Variants in PDE11A observed in about 807,000 individuals in gnomAD.
PDE11A encodes the protein dual 3',5'-cyclic-AMP and -GMP phosphodiesterase 11A.
In PDE11A, 100 loss-of-function variants were observed where a neutral mutation model predicts 100.5. That is an observed-to-expected ratio of 1.00 (90% CI 0.85 to 1.18). The LOEUF (loss-of-function observed/expected upper bound fraction) is 1.18. PDE11A is among the 50% of genes most tolerant of loss of function. The pLI is 0.00. For missense variants in PDE11A, 1,141 were observed against 1,152.6 expected (o/e 0.99, Z 0.15); for synonymous variants, 381 against 420.8 (o/e 0.91, Z 1.16).
chr2:177,656,229 T>A (rs2080381284), intron 19 of PDE11A, among the ~76,000 whole-genome samples: 1 of 152,236 alleles, frequency 6.6e-6, no homozygotes, highest in Admixed American at 6.5e-5. Flanking sequence ...CATAAGATTA[T>A]AATATCATAT....
chr2:177,787,728 G>A (rs1001369271), intron 9 of PDE11A, among the ~76,000 whole-genome samples: 2 of 150,726 alleles, frequency 1.3e-5, no homozygotes, highest in Non-Finnish European at 3.0e-5. Flanking sequence ...AATAGGCAGG[G>A]GTTGCAATCC....
intron 19 of PDE11A, among the ~76,000 whole-genome samples, chr2:177,633,705 C>T (rs919100390): frequency 5.3e-5 from 8 of 152,136 alleles, no homozygotes; most frequent in African/African-American, 1.9e-4. Flanking sequence ...TTTATTTAGA[C>T]AATAGTGTGA....
intron 5 of PDE11A, among the ~76,000 whole-genome samples, chr2:177,873,968 G>T (rs1326071488): frequency 6.6e-6 from 1 of 152,110 alleles, no homozygotes; most frequent in African/African-American, 2.4e-5. Context: ...CTTCACTTCT[G>T]CAGTACTGAA....
chr2:178,089,056 G>GT (rs1559068281), intron 2 of PDE11A, among the ~76,000 whole-genome samples: 1 of 152,154 alleles, frequency 6.6e-6, no homozygotes, highest in East Asian at 1.9e-4. Context: ...TATGGTGCCC[G>GT]TATCAGTTAG....
intron 1 of PDE11A, among the ~76,000 whole-genome samples, chr2:178,050,691 C>G (rs930830472): frequency 6.6e-6 from 1 of 152,038 alleles, no homozygotes; most frequent in African/African-American, 2.4e-5. Context: ...AACCATGGCA[C>G]GAGAACTACG....
intron 1 of PDE11A, among the ~76,000 whole-genome samples, chr2:178,050,559 TGAGCTAAAG>T (rs1261055020): frequency 6.6e-6 from 1 of 152,068 alleles, no homozygotes; most frequent in Non-Finnish European, 1.5e-5. Flanking sequence ...CAAACTTCTC[TGAGCTAAAG>T]GAGGGTGTTC....
chr2:177,726,768 G>T (rs1444814103), intron 12 of PDE11A, among the ~76,000 whole-genome samples: 1 of 151,440 alleles, frequency 6.6e-6, no homozygotes, highest in Non-Finnish European at 1.5e-5. Flanking sequence ...TTTAGTCTGG[G>T]TGCAAAAATA....
rs372434163 is a variant in PDE11A, at chr2:177,696,564, G to T, written c.2345+768C>A. On this transcript the variant is annotated intron_variant, in intron 15 of 19. Transcript: ENST00000286063. ...CCTCTGAGTGTACAATTTTGATAGA[G>T]TGCGGAGATGGACTCTGCTCTTCAC... Among the ~76,000 whole-genome samples the T allele has an allele frequency of 2.6e-5, 4 of 152,184 alleles. No homozygotes were observed. The East Asian group carries it at 7.7e-4, about 29-fold the overall frequency.
chr2:177,689,160 G>A (rs112846486), intron 15 of PDE11A, among the ~76,000 whole-genome samples: 19 of 152,144 alleles, frequency 1.2e-4, no homozygotes, highest in South Asian at 4.2e-4. Context: ...TCGGCTCACC[G>A]CAACCTCCTC....
intron 15 of PDE11A, among the ~76,000 whole-genome samples, chr2:177,695,702 AATAAGG>A (rs1574052989): frequency 6.6e-6 from 1 of 152,158 alleles, no homozygotes; most frequent in East Asian, 1.9e-4. Context: ...CTAAAGGTAG[AATAAGG>A]GGAGTGACCT....
intron 13 of PDE11A, among the ~76,000 whole-genome samples, chr2:177,707,586 T>C (rs1204486833): frequency 1.3e-5 from 2 of 152,146 alleles, no homozygotes; most frequent in Non-Finnish European, 2.9e-5. Context: ...GTTTTTTTCA[T>C]CCGCTTGGTA....
chr2:177,845,431 T>G (rs1448831265), intron 5 of PDE11A, among the ~76,000 whole-genome samples: 3 of 123,820 alleles, frequency 2.4e-5, no homozygotes, highest in African/African-American at 6.3e-5. Flanking sequence ...TCTCAGACGA[T>G]GGGCGGCCGG....
intron 15 of PDE11A, among the ~76,000 whole-genome samples, chr2:177,682,966 ATAATTTATGG>A (rs556676634): frequency 5.5e-4 from 72 of 130,200 alleles, no homozygotes; most frequent in African/African-American, 2.3e-3. Flanking sequence ...ATCATGACAT[ATAATTTATGG>A]TAGAAATCAG....
At chr2:177,790,070 C>T (rs140279044) in intron 9 of PDE11A, among the ~76,000 whole-genome samples, 3,219 of 152,064 alleles carry the variant, frequency 0.021, 103 homozygotes, top group African/African-American at 0.074. Context: ...AAAAAGAGCC[C>T]GCATCACCAA....
intron 10 of PDE11A, among the ~76,000 whole-genome samples, chr2:177,762,945 C>G (rs1330515648): frequency 6.6e-6 from 1 of 152,134 alleles, no homozygotes; most frequent in South Asian, 2.1e-4. Flanking sequence ...ATCTGGTTCC[C>G]CTCATGCTCA....
At chr2:177,969,745 T>C (rs1029451584) in intron 2 of PDE11A, among the ~76,000 whole-genome samples, 9 of 152,190 alleles carry the variant, frequency 5.9e-5, no homozygotes, top group African/African-American at 2.2e-4. Flanking sequence ...CAAGATTGTA[T>C]TACACTACTT....
chr2:177,789,382 C>T (rs1361296656), intron 9 of PDE11A, among the ~76,000 whole-genome samples: 2 of 151,780 alleles, frequency 1.3e-5, no homozygotes, highest in African/African-American at 2.4e-5. Context: ...ATTGATGGGA[C>T]GTATTTCAAA....
intron 2 of PDE11A, among the ~76,000 whole-genome samples, chr2:177,968,162 G>GACAA (rs1009953180): frequency 1.3e-5 from 2 of 152,016 alleles, no homozygotes; most frequent in Non-Finnish European, 1.5e-5. Flanking sequence ...AGGTAACAAA[G>GACAA]ACAAACAAAC....
intron 2 of PDE11A, among the ~76,000 whole-genome samples, chr2:178,007,133 A>G (rs1203700242): frequency 2.6e-5 from 4 of 152,222 alleles, no homozygotes; most frequent in African/African-American, 9.6e-5. Flanking sequence ...AAGAGAAGTG[A>G]ATGTTTTTTA....
Sources: gnomAD v4.1 joint callset for allele counts (sites outside exome capture counted in the v4.1 genomes callset) on GRCh38, gnomAD v4.1.1 for gene constraint, MANE v1.5 for transcripts, NCBI Gene and HGNC (gene_info 2026-07-23, HGNC 2026-07-21) for gene names.